RBM4: variants seen among roughly 807,000 people sequenced by gnomAD.
RBM4 encodes RNA-binding protein 4.
In RBM4, 7 loss-of-function variants were observed where a neutral mutation model predicts 29.5. That is an observed-to-expected ratio of 0.24 (90% CI 0.14 to 0.45). The LOEUF (loss-of-function observed/expected upper bound fraction) is 0.45. Among genes scored for constraint, RBM4 ranks in the 20% least tolerant of loss-of-function variants. The pLI is 1.00. For missense variants in RBM4, 387 were observed against 502.3 expected (o/e 0.77, Z 2.19); for synonymous variants, 220 against 205.4 (o/e 1.07, Z -0.61).
chr11:66,639,626 G>A (rs1453343721), intron 1 of RBM4, 74 bp from the exon 2 acceptor site: 1 of 1,527,586 alleles, frequency 6.5e-7, no homozygotes, highest in African/African-American at 1.4e-5. Flanking sequence ...ATACATTAGA[G>A]TGAAAGTCGT....
chr11:66,651,370 C>T (rs1448854664), downstream of RBM4, among the ~76,000 whole-genome samples: 5 of 146,360 alleles, frequency 3.4e-5, no homozygotes, highest in Admixed American at 1.4e-4. Context: ...TTTTTTGAGG[C>T]GGAGTCTTGC....
In RBM4 at chr11:66,643,809, A is replaced by G. The variant is rs771783366; in HGVS notation, c.772A>G (p.Thr258Ala). The G allele has an allele frequency of 6.2e-7, 1 of 1,614,026 alleles. No individual in the cohort carries two copies. The highest frequency in any genetic ancestry group is 8.5e-7 in the Non-Finnish European group (1 of 1,179,986). The change falls in exon 3 of 4, where the codon ACA (threonine) becomes GCA (alanine). Residue 258 changes from threonine to alanine, a missense_variant. Physicochemically the swap from Thr to Ala is moderately conservative, Grantham distance 58. This residue lies in a region of RBM4 where 281 missense variants were observed against 288.7 expected (regional missense o/e 0.97). Transcript: ENST00000310092. This position sits in a 1 kb window ranked among gnomAD's most constrained non-coding sequence, Gnocchi z 6.1. ...TLSQLPQVQN[T>A]AMASHLTSTS... ...GTCCCAGCTGCCACAAGTCCAGAATACAGCCATGGCCAGTCACCTCACCTC... is the reference window on the plus strand; with the variant it reads ...GTCCCAGCTGCCACAAGTCCAGAATGCAGCCATGGCCAGTCACCTCACCTC...
In RBM4 at chr11:66,639,557, T is replaced by G. The variant is rs541711316; in HGVS notation, c.-12-143T>G. The G allele has an allele frequency of 1.0e-5, 11 of 1,073,684 alleles. No individual in the cohort carries two copies. The East Asian group carries it at 2.6e-4, about 25-fold the overall frequency. The allele number at this position is 1,073,684 out of a possible 1,614,324, so 66.5% of individuals were successfully genotyped here. On this transcript the variant is annotated intron_variant, in intron 1 of 3. Coordinates refer to ENST00000310092, the MANE Select transcript of RBM4 (RefSeq NM_002896.4). ...TAGCAGGCCTTAGTTCACTCCCACT[T>G]CCATTTGATTATTGTGTGGAGGTGT... is the stretch of plus-strand genomic sequence containing the variant.
Position 66,646,286 on chromosome 11 carries a change from G to A in RBM4, c.*268G>A. 1.5e-6 allele frequency: 2 copies of A among 1,378,492 alleles called. No individual in the cohort carries two copies. Among genetic ancestry groups the A allele is most frequent in the African/African-American group, 1.5e-5 (1 of 68,762 alleles). The allele number at this position is 1,378,492 out of a possible 1,614,324, so 85.4% of individuals were successfully genotyped here. ...CTTCTCCCAGCAGGCCTCATTGTGT[G>A]CAGAAACTGTGGTGGGGGCTGTGCT... On this transcript the variant is annotated 3_prime_UTR_variant, in exon 4 of 4. Transcript: ENST00000310092.
rs1216470348 is a variant in RBM4, at chr11:66,646,160, G to T, written c.*142G>T. Reference sequence around the variant, plus strand: ...GGAACCGTGGACCTTAATTTACCTTGCTAAGTTCAGACCTTCTCTTCCTTT... The same window carrying T: ...GGAACCGTGGACCTTAATTTACCTTTCTAAGTTCAGACCTTCTCTTCCTTT... On this transcript the variant is annotated 3_prime_UTR_variant, in exon 4 of 4. Transcript: ENST00000310092. 3.3e-6 allele frequency: 5 copies of T among 1,523,448 alleles called. No homozygotes were observed. In the African/African-American group the frequency reaches 5.5e-5, roughly 17 times the overall value. 94.4% of individuals were successfully genotyped at this position (1,523,448 alleles called of 1,614,324 possible).
chr11:66,646,443 G>A lies in RBM4; in HGVS notation c.*425G>A, dbSNP rs753113666. ...GAGTTGGATCACTTTTTTTCTTTCC[G>A]GTGAAATAAATGGTTTTTCAACTTA... On this transcript the variant is annotated 3_prime_UTR_variant, in exon 4 of 4. Transcript: ENST00000310092. 19 of 1,020,340 alleles carry A rather than the reference G, an allele frequency of 1.9e-5. No individual in the cohort carries two copies. The Admixed American group carries it at 3.3e-4, about 18-fold the overall frequency. The allele number at this position is 1,020,340 out of a possible 1,614,324, so 63.2% of individuals were successfully genotyped here.
Position 66,643,517 on chromosome 11 carries a change from C to G in RBM4, c.480C>G (p.Ser160Arg), listed in dbSNP as rs369040552. The stretch of plus-strand genomic sequence containing the variant: ...CTGCGCCCGGGATGGGAGACCAGAG[C>G]GGCTGCTATCGGTGCGGGAAAGAGG... ...LRTAPGMGDQSGCYRCGKEGH... is the reference protein window; with the variant it reads ...LRTAPGMGDQRGCYRCGKEGH... Residue 160 changes from serine to arginine, a missense_variant, in exon 3 of 4, where the codon AGC becomes AGG. Transcript: ENST00000310092. The surrounding 1 kb of genome is among the most constrained non-coding windows in gnomAD (Gnocchi z 6.1). 1 of 1,613,878 alleles carries G rather than the reference C, an allele frequency of 6.2e-7. No homozygotes were observed.
chr11:66,660,251 C>T (rs1285075641), intron 2 of RBM4, among the ~76,000 whole-genome samples: 2 of 150,892 alleles, frequency 1.3e-5, no homozygotes. Context: ...CCACCTGTAG[C>T]TTAGTAGATA....
At chr11:66,664,681 C>G (rs1939163263) in intron 2 of RBM4, among the ~76,000 whole-genome samples, 2 of 152,110 alleles carry the variant, frequency 1.3e-5, no homozygotes, top group East Asian at 1.9e-4. Flanking sequence ...GCTGGTCTAC[C>G]TGACCTCAGG....
intron 2 of RBM4, chr11:66,640,496 G>A (rs901726979): frequency 1.4e-5 from 6 of 420,892 alleles, no homozygotes; most frequent in Non-Finnish European, 2.5e-5. Flanking sequence ...CACAGGATCA[G>A]AATTCTGCAT....
intron 2 of RBM4, among the ~76,000 whole-genome samples, chr11:66,654,083 A>G (rs1385053655): frequency 6.6e-6 from 1 of 152,104 alleles, no homozygotes; most frequent in Non-Finnish European, 1.5e-5. Flanking sequence ...CTAGAGTGCC[A>G]TGGTGTTATC....
Position 66,640,479 on chromosome 11 carries a change from C to T in RBM4, c.412+356C>T, listed in dbSNP as rs1938397016. 2.2e-5 allele frequency: 10 copies of T among 447,084 alleles called. No homozygotes were observed. In the East Asian group the frequency reaches 3.3e-4, roughly 15 times the overall value. The allele number at this position is 447,084 out of a possible 1,614,324, so 27.7% of individuals were successfully genotyped here. The stretch of plus-strand genomic sequence containing the variant: ...AGAGTTCCTCACTCTGAATTTATTG[C>T]CCTCAGCACAGGATCAGAATTCTGC... On this transcript the variant is annotated intron_variant, in intron 2 of 3. Coordinates refer to ENST00000310092, the MANE Select transcript of RBM4 (RefSeq NM_002896.4).
chr11:66,646,598 G>T (rs900926639), downstream of RBM4: 8 of 973,698 alleles, frequency 8.2e-6, no homozygotes, highest in Non-Finnish European at 3.7e-6. Context: ...TTTGTTTATT[G>T]TAAGTAGGAC....
At chr11:66,642,807 A>C (rs1314250608) in intron 2 of RBM4, among the ~76,000 whole-genome samples, 1 of 152,216 alleles carries the variant, frequency 6.6e-6, no homozygotes, top group Non-Finnish European at 1.5e-5. Context: ...CGTTAAAGCA[A>C]TGATCAGAAC....
In RBM4 at chr11:66,639,648, A is replaced by G. The variant is rs1034200893; in HGVS notation, c.-12-52A>G. The stretch of plus-strand genomic sequence containing the variant: ...AGAGTGAAAGTCGTTGTCTTTTGTG[A>G]ACGGATGTGGGCCTGAGGTCTTTTG... On this transcript the variant is annotated intron_variant, in intron 1 of 3. Coordinates refer to ENST00000310092, the MANE Select transcript of RBM4 (RefSeq NM_002896.4). The G allele has an allele frequency of 3.2e-6, 5 of 1,573,848 alleles. No individual in the cohort carries two copies. The African/African-American group carries it at 5.5e-5, about 17-fold the overall frequency.
downstream of RBM4, chr11:66,649,905 T>C (rs1271635992): frequency 2.3e-5 from 13 of 557,900 alleles, no homozygotes; most frequent in East Asian, 3.1e-4. Context: ...AGAGTAATGC[T>C]TTAATAAACT....
At chr11:66,660,324 TTC>T (rs889487867) in intron 2 of RBM4, among the ~76,000 whole-genome samples, 21 of 150,318 alleles carry the variant, frequency 1.4e-4, no homozygotes, top group African/African-American at 4.6e-4. Flanking sequence ...TTATCACAAT[TTC>T]TTTTTTTTTG....
exon 3 of RBM4, chr11:66,666,782 AGCT>A (rs535063307): frequency 4.0e-4 from 61 of 152,350 alleles, no homozygotes; most frequent in African/African-American, 1.4e-3. Flanking sequence ...AACACAGACT[AGCT>A]GCATGGTGGT....
At chr11:66,657,108 CTTTTTTTTTTTTT>C (rs748071140) in intron 2 of RBM4, among the ~76,000 whole-genome samples, 6 of 93,438 alleles carry the variant, frequency 6.4e-5, no homozygotes, top group African/African-American at 1.8e-4. Context: ...ATTTTTTAGT[CTTTTTTTTTTTTT>C]TTTTTTTTTT....
Sources: allele counts gnomAD v4.1 joint callset (sites outside exome capture counted in the v4.1 genomes callset), GRCh38; gene constraint gnomAD v4.1.1; regional missense constraint gnomAD v4.1.1; non-coding constraint Gnocchi (gnomAD v3.1); transcripts MANE v1.5; gene names NCBI Gene and HGNC (gene_info 2026-07-23, HGNC 2026-07-21).